MMP14: variants seen among roughly 807,000 people sequenced by gnomAD.
MMP14 encodes the protein matrix metallopeptidase 14, also known as matrix metalloproteinase-14.
MMP14 carries 13 observed loss-of-function variants against 64.8 expected under a neutral mutation model. The ratio of observed to expected loss-of-function variants is 0.20; its 90% CI spans 0.13 to 0.32. The LOEUF (loss-of-function observed/expected upper bound fraction) is 0.32, where lower values mean the gene tolerates loss of function less well. MMP14 is among the 10% of genes least tolerant of loss of function. The probability of loss-of-function intolerance (pLI) is 1.00; values close to 1 mark genes in which losing one functional copy is unlikely to be tolerated. For synonymous variants in MMP14, 322 were observed against 315.9 expected, an observed-to-expected ratio of 1.02 and a Z score of -0.20; for missense variants, 594 against 783.8, an observed-to-expected ratio of 0.76 and a Z score of 2.89.
Position 22,846,487 on chromosome 14 carries a change from G to C in MMP14, c.*448G>C. 1 of 167,280 alleles carries C rather than the reference G, an allele frequency of 6.0e-6. No individual in the cohort carries two copies. 10.4% of individuals were successfully genotyped at this position (167,280 alleles called of 1,614,324 possible). On this transcript the variant is annotated 3_prime_UTR_variant, in exon 10 of 10. Coordinates refer to ENST00000311852, the MANE Select transcript of MMP14 (RefSeq NM_004995.4). ...GGGCACTCCAGCCCTGAAAGCCCCAGGTGTACCCAATTGGCAGCCTCTCAC... is the reference window on the plus strand; with the variant it reads ...GGGCACTCCAGCCCTGAAAGCCCCACGTGTACCCAATTGGCAGCCTCTCAC...
rs1424804543 is a variant in MMP14 at position 22,845,352 on chromosome 14, T to C, written c.1403T>C (p.Met468Thr). The C allele has an allele frequency of 6.2e-6, 10 of 1,607,946 alleles. No homozygotes were observed. The highest frequency in any genetic ancestry group is 7.6e-6 in the Non-Finnish European group (9 of 1,176,758). Residue 468 changes from methionine (M) to threonine (T), a missense_variant, in exon 9 of 10, where the codon ATG becomes ACG. Physicochemically the swap from Met to Thr is moderately conservative, Grantham distance 81 (BLOSUM62 -1). Around this residue, in one of 4 missense-constraint regions of MMP14, gnomAD observed 364 missense variants for 425.2 expected, o/e 0.86. Coordinates refer to ENST00000311852, the MANE Select transcript of MMP14 (RefSeq NM_004995.4). ...GIPESPRGSF[M>T]GSDEVFTYFY... ...CCTGAGTCTCCCAGAGGGTCATTCA[T>C]GGGCAGCGATGAAGGTGAGAGGGGC...
chr14:22,841,477 C>T lies in MMP14; in HGVS notation c.109-14C>T, dbSNP rs367583211. 3.0e-5 allele frequency: 48 copies of T among 1,612,688 alleles called. No homozygotes were observed. In the African/African-American group the frequency reaches 6.3e-4, roughly 21 times the overall value. On this transcript the variant is annotated splice_polypyrimidine_tract_variant and intron_variant, in intron 1 of 9. Transcript: ENST00000311852. ...CAGGTGGGGACACTCTAAGCCATACCCCTTTCCCTACAGGCCTGGCTACAG... is the reference window on the plus strand; with the variant it reads ...CAGGTGGGGACACTCTAAGCCATACTCCTTTCCCTACAGGCCTGGCTACAG...
intron 2 of MMP14, 82 bp from the exon 3 acceptor site, chr14:22,841,831 G>A (rs2039774999): frequency 1.1e-5 from 13 of 1,227,822 alleles, no homozygotes; most frequent in Middle Eastern, 2.2e-4. Flanking sequence ...CACACAGCAA[G>A]TCTTACCCAA....
In MMP14 at chr14:22,844,353, G is replaced by T. The variant is rs1451871320; in HGVS notation, c.1012-18G>T. On this transcript the variant is annotated intron_variant, in intron 6 of 9. Transcript: ENST00000311852. ...CCGCAAGACATAATGGACTTTTCCT[G>T]CATTGACCGGCTTCCAGGAGCGCTG... The T allele has an allele frequency of 1.9e-6, 3 of 1,613,854 alleles. No individual in the cohort carries two copies. The highest frequency in any genetic ancestry group is 2.5e-6 in the Non-Finnish European group (3 of 1,179,908).
chr14:22,844,636 A>C lies in MMP14; in HGVS notation c.1157A>C (p.Lys386Thr). The C allele has an allele frequency of 6.2e-7, 1 of 1,614,078 alleles. No homozygotes were observed. Among genetic ancestry groups the C allele is most frequent in the Non-Finnish European group, 8.5e-7 (1 of 1,180,006 alleles). Residue 386 changes from lysine to threonine, a missense_variant, in exon 8 of 10, where the codon AAG (lysine) becomes ACG (threonine). Lys to Thr is a moderately conservative substitution (Grantham distance 78). Around this residue, in one of 4 missense-constraint regions of MMP14, gnomAD observed 364 missense variants for 425.2 expected, o/e 0.86. Transcript: ENST00000311852. ...GCCCTCCTGTCCTCCCCAGGAGACAAGCATTGGGTGTTTGATGAGGCGTCC... is the reference window on the plus strand; with the variant it reads ...GCCCTCCTGTCCTCCCCAGGAGACACGCATTGGGTGTTTGATGAGGCGTCC... ...DGKFVFFKGD[K>T]HWVFDEASLE...
chr14:22,837,701 G>T (rs1295185495), intron 1 of MMP14, among the ~76,000 whole-genome samples: 1 of 152,242 alleles, frequency 6.6e-6, no homozygotes, highest in African/African-American at 2.4e-5. Flanking sequence ...GAGCCTGGGG[G>T]CGTCGCTTGG....
chr14:22,842,294 G>A lies in MMP14; in HGVS notation c.381-116G>A. On this transcript the variant is annotated intron_variant, in intron 3 of 9. Transcript: ENST00000311852. The surrounding 1 kb of genome is among the most constrained non-coding windows in gnomAD (Gnocchi z 5.3). The stretch of plus-strand genomic sequence containing the variant: ...GCGCATGAGGTAGCAGGAAGAGCTG[G>A]GTCAGGCAGAGGTGGCTGGGCCGCG... 3 of 1,205,024 alleles carry A rather than the reference G, an allele frequency of 2.5e-6. No individual in the cohort carries two copies. The Admixed American group carries it at 6.8e-5, about 27-fold the overall frequency. 74.6% of individuals were successfully genotyped at this position (1,205,024 alleles called of 1,614,324 possible).
intron 1 of MMP14, chr14:22,837,269 A>C: frequency 1.6e-5 from 8 of 502,824 alleles, no homozygotes; most frequent in Non-Finnish European, 3.1e-5. Flanking sequence ...CCTGATAAAC[A>C]TTTGGACTCC....
Position 22,844,754 on chromosome 14 carries a change from A to G in MMP14, c.1275A>G (p.Gly425=), listed in dbSNP as rs777730780. 2.5e-5 allele frequency: 40 copies of G among 1,613,900 alleles called. No homozygotes were observed. In the East Asian group the frequency reaches 8.9e-4, roughly 36 times the overall value. The change falls in exon 8 of 10, where the codon GGA becomes GGG. Residue 425 remains glycine, a synonymous_variant. Coordinates refer to ENST00000311852, the MANE Select transcript of MMP14 (RefSeq NM_004995.4). ...CTGCTCTCTTCTGGATGCCCAATGGAAAGACCTACTTCTTCCGTGGAAACA... is the reference window on the plus strand; with the variant it reads ...CTGCTCTCTTCTGGATGCCCAATGGGAAGACCTACTTCTTCCGTGGAAACA... The part of the protein sequence containing the change: ...IDAALFWMPN[G]KTYFFRGNKY...
rs200519097 is a variant in MMP14 at position 22,843,280 on chromosome 14, G to T, written c.712G>T (p.Val238Leu). Residue 238 changes from valine to leucine, a missense_variant, in exon 5 of 10, where the codon GTG (valine) becomes TTG (leucine). By Grantham distance (32) the Val-to-Leu change is conservative. Around this residue, in one of 4 missense-constraint regions of MMP14, gnomAD observed 179 missense variants for 283.4 expected, o/e 0.63. Transcript: ENST00000311852. This position sits in a 1 kb window ranked among gnomAD's most constrained non-coding sequence, Gnocchi z 4.8. ...AGGAAATGACATCTTCCTGGTGGCT[G>T]TGCACGAGCTGGGCCATGCCCTGGG... Reference protein sequence around the residue: ...LNGNDIFLVAVHELGHALGLE... With the variant: ...LNGNDIFLVALHELGHALGLE... 378 of 1,613,818 alleles carry T rather than the reference G, an allele frequency of 2.3e-4. No homozygotes were observed. The highest frequency in any genetic ancestry group is 3.2e-4 in the Non-Finnish European group (374 of 1,179,924).
rs1191106301 is a variant in MMP14, at chr14:22,842,953, G to C, written c.688+236G>C. ...AGCATCCTTATTGCCCACTTTTCCA[G>C]ACCGATGTCATGTCTCGCTCCCGGG... is the stretch of plus-strand genomic sequence containing the variant. On this transcript the variant is annotated intron_variant, in intron 4 of 9. Coordinates refer to ENST00000311852, the MANE Select transcript of MMP14 (RefSeq NM_004995.4). The surrounding 1 kb of genome is among the most constrained non-coding windows in gnomAD (Gnocchi z 5.3). 6.6e-6 allele frequency among the ~76,000 whole-genome samples: 1 copy of C among 152,122 alleles called. No individual in the cohort carries two copies. The highest frequency in any genetic ancestry group is 1.5e-5 in the Non-Finnish European group (1 of 68,028).
intron 1 of MMP14, among the ~76,000 whole-genome samples, chr14:22,838,446 A>C (rs1435218606): frequency 6.6e-6 from 1 of 152,146 alleles, no homozygotes; most frequent in East Asian, 1.9e-4. Context: ...AGGGAGGAGC[A>C]GCCCCAGAGG....
chr14:22,845,687 C>T (rs1165849668), intron 9 of MMP14, 21 bp from the exon 10 acceptor site: 2 of 1,611,726 alleles, frequency 1.2e-6, no homozygotes, highest in African/African-American at 2.7e-5. Context: ...TCCTTACCAC[C>T]TTCTGATTCA....
chr14:22,841,134 T>A (rs775525405), intron 1 of MMP14, among the ~76,000 whole-genome samples: 10 of 152,170 alleles, frequency 6.6e-5, no homozygotes, highest in Non-Finnish European at 1.2e-4. Flanking sequence ...AGGTGGAACA[T>A]GCTATATTTG....
Position 22,843,784 on chromosome 14 carries a change from C to T in MMP14, c.925C>T (p.Pro309Ser). The T allele has an allele frequency of 1.2e-6, 2 of 1,613,682 alleles. No homozygotes were observed. Among genetic ancestry groups the T allele is most frequent in the Non-Finnish European group, 1.7e-6 (2 of 1,179,928 alleles). The change falls in exon 6 of 10, where the codon CCC becomes TCC. Residue 309 changes from proline (P) to serine (S), a missense_variant. Around this residue, in one of 4 missense-constraint regions of MMP14, gnomAD observed 364 missense variants for 425.2 expected, o/e 0.86. Transcript: ENST00000311852. The surrounding 1 kb of genome is among the most constrained non-coding windows in gnomAD (Gnocchi z 4.8). ...TTSRPSVPDKPKNPTYGPNIC... is the reference protein window; with the variant it reads ...TTSRPSVPDKSKNPTYGPNIC... ...CTCCCGGCCTTCTGTTCCTGATAAA[C>T]CCAAAAACCCCACCTATGGGCCCAA... is the stretch of plus-strand genomic sequence containing the variant.
At chr14:22,841,885 C>T in intron 2 of MMP14, 28 bp from the exon 3 acceptor site, 3 of 1,614,026 alleles carry the variant, frequency 1.9e-6, no homozygotes, top group Non-Finnish European at 2.5e-6. Flanking sequence ...TGCACTGATC[C>T]CAATCCTCGC....
Position 22,846,015 on chromosome 14 carries a change from G to T in MMP14, c.1725G>T (p.Gln575His). The change falls in exon 10 of 10, where the codon CAG becomes CAT. Residue 575 changes from glutamine (Q) to histidine (H), a missense_variant. This residue lies in a region of MMP14 where 364 missense variants were observed against 425.2 expected (regional missense o/e 0.86). Transcript: ENST00000311852. ...CCCCCAGGCGACTGCTCTACTGCCA[G>T]CGTTCCCTGCTGGACAAGGTCTGAC... Reference protein sequence around the residue: ...HGTPRRLLYCQRSLLDKV With the variant: ...HGTPRRLLYCHRSLLDKV 1 of 1,508,048 alleles carries T rather than the reference G, an allele frequency of 6.6e-7. No homozygotes were observed. 93.4% of individuals were successfully genotyped at this position (1,508,048 alleles called of 1,614,324 possible).
Position 22,842,120 on chromosome 14 carries a change from T to G in MMP14, c.380+85T>G. ...CTTATGCAGGGACTCAGAGACCCCC[T>G]GCCCCACTCCCCTCAGTTCCTGGGA... On this transcript the variant is annotated intron_variant, in intron 3 of 9. Transcript: ENST00000311852. This position sits in a 1 kb window ranked among gnomAD's most constrained non-coding sequence, Gnocchi z 5.3. The G allele has an allele frequency of 3.2e-6, 5 of 1,551,734 alleles. No homozygotes were observed. Among genetic ancestry groups the G allele is most frequent in the Non-Finnish European group, 4.4e-6 (5 of 1,133,606 alleles).
chr14:22,844,683 C>T lies in MMP14; in HGVS notation c.1204C>T (p.His402Tyr), dbSNP rs761145231. Reference sequence around the variant, plus strand: ...GTCCCTGGAACCTGGCTACCCCAAGCACATTAAGGAGCTGGGCCGAGGGCT... The same window carrying T: ...GTCCCTGGAACCTGGCTACCCCAAGTACATTAAGGAGCTGGGCCGAGGGCT... ...EASLEPGYPKHIKELGRGLPT... is the reference protein window; with the variant it reads ...EASLEPGYPKYIKELGRGLPT... Residue 402 changes from histidine (H) to tyrosine (Y), a missense_variant, in exon 8 of 10, where the codon CAC (histidine) becomes TAC (tyrosine). Physicochemically the swap from His to Tyr is moderately conservative, Grantham distance 83 (BLOSUM62 2). Transcript: ENST00000311852. 3.7e-6 allele frequency: 6 copies of T among 1,613,960 alleles called. No individual in the cohort carries two copies. In the Admixed American group the frequency reaches 1.0e-4, roughly 27 times the overall value.
Sources: gnomAD v4.1 joint callset for allele counts (sites outside exome capture counted in the v4.1 genomes callset) on GRCh38, gnomAD v4.1.1 for gene constraint, gnomAD v4.1.1 regional missense constraint, Gnocchi (gnomAD v3.1) non-coding constraint, MANE v1.5 for transcripts, NCBI Gene and HGNC (gene_info 2026-07-23, HGNC 2026-07-21) for gene names.